Variants in SLC5A10 observed in about 807,000 individuals in gnomAD.
The protein encoded by SLC5A10 is sodium/mannose cotransporter SLC5A10.
In SLC5A10, 55 loss-of-function variants were observed where a neutral mutation model predicts 68.9. The ratio of observed to expected loss-of-function variants is 0.80; its 90% CI spans 0.64 to 1.00. The LOEUF is 1.00. SLC5A10 is among the 50% of genes least tolerant of loss of function. SLC5A10 has a pLI of 0.00. For missense variants in SLC5A10, 732 were observed against 819.3 expected, an observed-to-expected ratio of 0.89 and a Z score of 1.30; for synonymous variants, 344 against 344.8, an observed-to-expected ratio of 1.00 and a Z score of 0.02.
chr17:19,015,157 T>A lies in SLC5A10; in HGVS notation c.1199T>A (p.Leu400Gln), dbSNP rs1382598363. 7.1e-7 allele frequency: 1 copy of A among 1,401,954 alleles called. No individual in the cohort carries two copies. The highest frequency in any genetic ancestry group is 9.6e-7 in the Non-Finnish European group (1 of 1,042,080). 86.8% of individuals were successfully genotyped at this position (1,401,954 alleles called of 1,614,324 possible). The change falls in exon 11 of 15, where the codon CTG becomes CAG. Residue 400 changes from leucine to glutamine, a missense_variant. Coordinates refer to ENST00000395645, the MANE Select transcript of SLC5A10 (RefSeq NM_001042450.4). ...TLFTMDIWRR[L>Q]RPRSGERELL... ...TTCACTATGGACATCTGGAGGCGGC[T>A]GCGTCCCCGCTCCGGCGAGCGGGAG...
rs1461133864 is a variant in SLC5A10 at position 18,957,475 on chromosome 17, A to AT, written c.112-1204dup. 1.7e-4 allele frequency among the ~76,000 whole-genome samples: 26 copies of AT among 151,940 alleles called. 1 individual carries two copies. In the East Asian group the frequency reaches 2.1e-3, roughly 12 times the overall value. On this transcript the variant is annotated intron_variant, in intron 1 of 14. Transcript: ENST00000395645. ...TAACCATTTTATTTTATTTTATTTT[A>AT]TTTATTTATTTTGAGACGGAGCCTT...
Position 19,003,416 on chromosome 17 carries a change from GA to G in SLC5A10, c.983-9992del. On this transcript the variant is annotated intron_variant, in intron 9 of 14. Transcript: ENST00000395645. The surrounding 1 kb of genome is among the most constrained non-coding windows in gnomAD (Gnocchi z 4.5). ...CCAGGGAAAACAGCAGAGATCCCTA[GA>G]AGCCCATGTTGGGCTCCCGTTTTGG... The G allele has an allele frequency of 7.9e-7, 1 of 1,259,476 alleles. No individual in the cohort carries two copies. The highest frequency in any genetic ancestry group is 1.0e-6 in the Non-Finnish European group (1 of 952,926). 78.0% of individuals were successfully genotyped at this position (1,259,476 alleles called of 1,614,324 possible).
At chr17:18,979,658 T>C (rs1255505039) in intron 9 of SLC5A10, 4 of 1,613,406 alleles carry the variant, frequency 2.5e-6, no homozygotes, top group Non-Finnish European at 3.4e-6. Context: ...CCCCCGCTGC[T>C]CCGCACTCTG....
chr17:18,968,917 C>T lies in SLC5A10; in HGVS notation c.454-135C>T, dbSNP rs1040298530. 2 of 717,536 alleles carry T rather than the reference C, an allele frequency of 2.8e-6. No individual in the cohort carries two copies. Among genetic ancestry groups the T allele is most frequent in the Non-Finnish European group, 4.5e-6 (2 of 444,900 alleles). 44.4% of individuals were successfully genotyped at this position (717,536 alleles called of 1,614,324 possible). ...ACAATGGCCCCGTGATGCAGGCAGG[C>T]AGGCGAGTGGGGGTCTCCCCTCCTT... is the stretch of plus-strand genomic sequence containing the variant. On this transcript the variant is annotated intron_variant, in intron 5 of 14. Transcript: ENST00000395645. This position sits in a 1 kb window ranked among gnomAD's most constrained non-coding sequence, Gnocchi z 4.1.
At chr17:18,960,219 G>A (rs1037748696) in intron 4 of SLC5A10, among the ~76,000 whole-genome samples, 4 of 152,114 alleles carry the variant, frequency 2.6e-5, no homozygotes, top group African/African-American at 9.7e-5. Flanking sequence ...TCATCATAGT[G>A]CACCTGGATT....
intron 5 of SLC5A10, among the ~76,000 whole-genome samples, chr17:18,963,378 G>C (rs533306882): frequency 1.1e-3 from 162 of 152,316 alleles, no homozygotes; most frequent in African/African-American, 3.7e-3. Context: ...CAGCCAGGAC[G>C]TGGCCTTTCA....
chr17:18,958,313 G>A lies in SLC5A10; in HGVS notation c.112-369G>A, dbSNP rs889008582. Among the ~76,000 whole-genome samples the A allele has an allele frequency of 3.9e-5, 6 of 152,096 alleles. No homozygotes were observed. The East Asian group carries it at 5.8e-4, about 15-fold the overall frequency. On this transcript the variant is annotated intron_variant, in intron 1 of 14. Transcript: ENST00000395645. ...AGGCTCAAGTGATCCGCTTACCTCCGCCTCCCAATGTGCTGGGATTACAGG... is the reference window on the plus strand; with the variant it reads ...AGGCTCAAGTGATCCGCTTACCTCCACCTCCCAATGTGCTGGGATTACAGG...
In SLC5A10 at chr17:18,971,127, T is replaced by C; in HGVS notation, c.755T>C (p.Met252Thr). The change falls in exon 8 of 15, where the codon ATG becomes ACG. Residue 252 changes from methionine (M) to threonine (T), a missense_variant. Met to Thr is a moderately conservative substitution (Grantham distance 81, BLOSUM62 -1). Transcript: ENST00000395645. This position sits in a 1 kb window ranked among gnomAD's most constrained non-coding sequence, Gnocchi z 5.5. ...CHLPRTDAMHMFRDPHTGDLP... is the reference protein window; with the variant it reads ...CHLPRTDAMHTFRDPHTGDLP... ...CTGCCACGTACAGACGCCATGCACA[T>C]GTTTCGAGACCCCCACACAGGGGAC... is the stretch of plus-strand genomic sequence containing the variant. The C allele has an allele frequency of 1.2e-6, 2 of 1,612,640 alleles. No homozygotes were observed. The highest frequency in any genetic ancestry group is 1.1e-5 in the South Asian group (1 of 90,990).
In SLC5A10 at chr17:19,017,340, C is replaced by T; in HGVS notation, c.1242-2083C>T. ...CAAAGCCGTCTCAGCTTCCTCCTGC[C>T]CGAAACACCACCATTGGAGCGGTAT... On this transcript the variant is annotated intron_variant, in intron 11 of 14. Transcript: ENST00000395645. This position sits in a 1 kb window ranked among gnomAD's most constrained non-coding sequence, Gnocchi z 5.6. 1 of 1,552,062 alleles carries T rather than the reference C, an allele frequency of 6.4e-7. No individual in the cohort carries two copies. Among genetic ancestry groups the T allele is most frequent in the Non-Finnish European group, 8.7e-7 (1 of 1,147,072 alleles).
Position 18,976,976 on chromosome 17 carries a change from C to T in SLC5A10, c.969C>T (p.Arg323=), listed in dbSNP as rs61738464. 131 of 1,612,712 alleles carry T rather than the reference C, an allele frequency of 8.1e-5. No homozygotes were observed. Among genetic ancestry groups the T allele is most frequent in the African/African-American group, 6.9e-4 (52 of 74,994 alleles). ...TCATCATGCCGGGCATGATCAGCCGCGCATTGTTCCCAGGTAGGACGGGCT... is the reference window on the plus strand; with the variant it reads ...TCATCATGCCGGGCATGATCAGCCGTGCATTGTTCCCAGGTAGGACGGGCT... ...GLIIMPGMIS[R]ALFPDDVGCV... Residue 323 remains arginine, a synonymous_variant, in exon 9 of 15, where the codon CGC becomes CGT. Coordinates refer to ENST00000395645, the MANE Select transcript of SLC5A10 (RefSeq NM_001042450.4).
chr17:18,957,069 A>T (rs1189393632), intron 1 of SLC5A10, among the ~76,000 whole-genome samples: 2 of 152,166 alleles, frequency 1.3e-5, no homozygotes, highest in African/African-American at 2.4e-5. Context: ...GAACCGCTCG[A>T]ACCCGGGAGG....
chr17:18,957,883 G>T (rs1408520952), intron 1 of SLC5A10, among the ~76,000 whole-genome samples: 1 of 152,190 alleles, frequency 6.6e-6, no homozygotes, highest in Non-Finnish European at 1.5e-5. Flanking sequence ...GTCAAGCACC[G>T]TTCTTCCTGC....
chr17:19,006,780 G>C (rs920221285), intron 9 of SLC5A10, among the ~76,000 whole-genome samples: 2 of 152,286 alleles, frequency 1.3e-5, no homozygotes, highest in East Asian at 3.9e-4. Flanking sequence ...GGAAGATATA[G>C]TATATAAACT....
chr17:18,952,024 T>A (rs564564288), upstream of SLC5A10: 1 of 935,886 alleles, frequency 1.1e-6, no homozygotes, highest in East Asian at 3.0e-5. Context: ...CACCCCACCA[T>A]GGGGTGAGGA....
intron 4 of SLC5A10, 98 bp from the exon 5 acceptor site, chr17:18,960,450 T>C (rs1457154452): frequency 9.7e-7 from 1 of 1,031,084 alleles, no homozygotes; most frequent in East Asian, 2.6e-5. Flanking sequence ...GCAGCTGCTT[T>C]GTGGCGGGGG....
chr17:18,974,872 G>C (rs1487880681), intron 8 of SLC5A10, among the ~76,000 whole-genome samples: 1 of 152,152 alleles, frequency 6.6e-6, no homozygotes, highest in African/African-American at 2.4e-5. Context: ...CCAGTGCTGG[G>C]AGGTGGGGGT....
intron 8 of SLC5A10, among the ~76,000 whole-genome samples, chr17:18,972,867 TA>T (rs35947526): frequency 0.45 from 61,987 of 137,724 alleles, 14,449 homozygotes; most frequent in Admixed American, 0.55. Context: ...AGACTCCGTC[TA>T]AAAAAAAAAA....
At chr17:19,019,653 G>C in intron 12 of SLC5A10, 60 bp from the exon 13 acceptor site, 1 of 1,603,012 alleles carries the variant, frequency 6.2e-7, no homozygotes, top group Non-Finnish European at 8.5e-7. Context: ...CCTGCTGCCT[G>C]TGGGGGGAGC....
intron 9 of SLC5A10, among the ~76,000 whole-genome samples, chr17:18,989,426 C>G (rs752281722): frequency 6.7e-6 from 1 of 150,310 alleles, no homozygotes; most frequent in Non-Finnish European, 1.5e-5. Context: ...GCAGGCCCAT[C>G]TGGGCTCCTC....
Sources: allele counts gnomAD v4.1 joint callset (sites outside exome capture counted in the v4.1 genomes callset), GRCh38; gene constraint gnomAD v4.1.1; non-coding constraint Gnocchi (gnomAD v3.1); transcripts MANE v1.5; gene names NCBI Gene and HGNC (gene_info 2026-07-23, HGNC 2026-07-21).